The following PDSS2 variants were observed in gnomAD, a reference collection of about 807,000 sequenced individuals.
PDSS2 encodes the protein decaprenyl diphosphate synthase subunit 2.
In PDSS2, 31 loss-of-function variants were observed where a neutral mutation model predicts 44.5. The observed-to-expected ratio is 0.70, with a 90% confidence interval of 0.52 to 0.94. The LOEUF (loss-of-function observed/expected upper bound fraction) is 0.94, where lower values mean the gene tolerates loss of function less well. Ranked by LOEUF, PDSS2 falls within the 40% of genes least tolerant of loss-of-function variation. The probability of loss-of-function intolerance (pLI) is 0.00; values close to 1 mark genes in which losing one functional copy is unlikely to be tolerated. For missense variants in PDSS2, 452 were observed against 482.2 expected (o/e 0.94, Z 0.59); for synonymous variants, 157 against 180.3 (o/e 0.87, Z 1.03).
chr6:107,441,932 C>G (rs1213846320), intron 1 of PDSS2, among the ~76,000 whole-genome samples: 2 of 152,046 alleles, frequency 1.3e-5, no homozygotes, highest in African/African-American at 4.8e-5. Flanking sequence ...CCAAACAGAC[C>G]CCCTCTCACA....
intron 2 of PDSS2, among the ~76,000 whole-genome samples, chr6:107,307,418 G>T (rs890716513): frequency 1.3e-5 from 2 of 152,056 alleles, no homozygotes; most frequent in Non-Finnish European, 2.9e-5. Flanking sequence ...CAAACTACTT[G>T]ATTGAAACTA....
intron 7 of PDSS2, among the ~76,000 whole-genome samples, chr6:107,172,589 G>T (rs1771618070): frequency 6.6e-6 from 1 of 152,064 alleles, no homozygotes; most frequent in Non-Finnish European, 1.5e-5. Flanking sequence ...TTTTAAAAAA[G>T]AGGACAAAGG....
intron 6 of PDSS2, among the ~76,000 whole-genome samples, chr6:107,209,627 T>C (rs1374109043): frequency 6.6e-5 from 10 of 151,258 alleles, no homozygotes; most frequent in Admixed American, 6.0e-4. Context: ...TTTCACTATG[T>C]TGTTGGTCTT....
At chr6:107,222,681 C>T (rs1027083587) in intron 4 of PDSS2, among the ~76,000 whole-genome samples, 2 of 149,834 alleles carry the variant, frequency 1.3e-5, no homozygotes, top group Non-Finnish European at 3.0e-5. Context: ...GGTAAGATTT[C>T]AAGAATGTAT....
intron 3 of PDSS2, among the ~76,000 whole-genome samples, chr6:107,264,897 A>C (rs1775362632): frequency 6.6e-6 from 1 of 152,184 alleles, no homozygotes; most frequent in Admixed American, 6.6e-5. Context: ...GGAATCAGGA[A>C]ATTTATGATT....
intron 4 of PDSS2, among the ~76,000 whole-genome samples, chr6:107,213,736 G>A (rs563435847): frequency 8.5e-5 from 13 of 152,212 alleles, no homozygotes; most frequent in African/African-American, 2.6e-4. Context: ...CAGCCTGGGC[G>A]AAAGAGCAAG....
chr6:107,202,257 T>G (rs1037339056), intron 6 of PDSS2, among the ~76,000 whole-genome samples: 1 of 152,148 alleles, frequency 6.6e-6, no homozygotes, highest in African/African-American at 2.4e-5. Flanking sequence ...CTAGCTGGTC[T>G]TGAACTCCTG....
chr6:107,312,962 G>A (rs1777088610), intron 2 of PDSS2, among the ~76,000 whole-genome samples: 1 of 152,318 alleles, frequency 6.6e-6, no homozygotes, highest in South Asian at 2.1e-4. Flanking sequence ...AATAGGATCA[G>A]AATTGAAAGC....
At chr6:107,349,646 G>A (rs568791681) in intron 1 of PDSS2, among the ~76,000 whole-genome samples, 4 of 152,108 alleles carry the variant, frequency 2.6e-5, no homozygotes, top group Non-Finnish European at 4.4e-5. Flanking sequence ...CTACTAGGGA[G>A]GCTGAGGCAG....
rs145698875 is a variant in PDSS2, at chr6:107,294,976, C to T, written c.432-20749G>A. On this transcript the variant is annotated intron_variant, in intron 2 of 7. Transcript: ENST00000369037. ...ATGGAGTCTCGCTTGGTCACCCAGG[C>T]TGGAGTGAAGTGGCGTGATCTTGGC... 5.4e-3 allele frequency among the ~76,000 whole-genome samples: 825 copies of T among 152,250 alleles called. 27 individuals are homozygous for T. Among genetic ancestry groups the T allele is most frequent in the Admixed American group, 0.038 (584 of 15,284 alleles).
At position 107,154,709 on chromosome 6, in the gene PDSS2, G is replaced by T; in HGVS notation, c.1110C>A (p.Asn370Lys). The T allele has an allele frequency of 6.2e-7, 1 of 1,614,122 alleles. No homozygotes were observed. The highest frequency in any genetic ancestry group is 1.1e-5 in the South Asian group (1 of 91,084). Residue 370 changes from asparagine (N) to lysine (K), a missense_variant, in exon 8 of 8, where the codon AAC becomes AAA. Physicochemically the swap from Asn to Lys is moderately conservative, Grantham distance 94 (BLOSUM62 0). Coordinates refer to ENST00000369037, the MANE Select transcript of PDSS2 (RefSeq NM_020381.4). ...AGCTCTCCAGGGCCTCCAGTGCCTTGTTTCCATGGTAACGACACAGGTCAA... is the reference window on the plus strand; with the variant it reads ...AGCTCTCCAGGGCCTCCAGTGCCTTTTTTCCATGGTAACGACACAGGTCAA... ...SAIDLCRYHG[N>K]KALEALESFP...
intron 4 of PDSS2, among the ~76,000 whole-genome samples, chr6:107,233,921 A>G (rs1774140091): frequency 6.6e-6 from 1 of 151,830 alleles, no homozygotes; most frequent in African/African-American, 2.4e-5. Flanking sequence ...AGTCCCAGCT[A>G]CTTGGGAGGC....
At chr6:107,210,831 C>T (rs1203719941) in intron 5 of PDSS2, among the ~76,000 whole-genome samples, 1 of 146,350 alleles carries the variant, frequency 6.8e-6, no homozygotes, top group African/African-American at 2.6e-5. Flanking sequence ...TGGCGAAACC[C>T]CATCTCTACT....
intron 7 of PDSS2, among the ~76,000 whole-genome samples, chr6:107,190,363 C>T (rs1026775206): frequency 6.6e-6 from 1 of 152,136 alleles, no homozygotes; most frequent in Non-Finnish European, 1.5e-5. Context: ...CAACTTACTG[C>T]GTGTGTTTTC....
intron 7 of PDSS2, among the ~76,000 whole-genome samples, chr6:107,155,437 G>A (rs1490403260): frequency 7.3e-5 from 11 of 151,000 alleles, no homozygotes; most frequent in South Asian, 2.1e-4. Context: ...GTGAGCCACC[G>A]CACCTGGCCA....
At chr6:107,320,189 T>C (rs1777338737) in intron 2 of PDSS2, among the ~76,000 whole-genome samples, 1 of 152,204 alleles carries the variant, frequency 6.6e-6, no homozygotes, top group South Asian at 2.1e-4. Context: ...TGATTAACTA[T>C]AGCTTTGGAA....
chr6:107,207,741 C>G (rs1773033589), intron 6 of PDSS2, among the ~76,000 whole-genome samples: 1 of 150,950 alleles, frequency 6.6e-6, no homozygotes, highest in Admixed American at 6.6e-5. Context: ...TCCTGAGTAG[C>G]TGGGATTACA....
intron 1 of PDSS2, among the ~76,000 whole-genome samples, chr6:107,356,916 T>G (rs1778612035): frequency 6.6e-6 from 1 of 152,222 alleles, no homozygotes; most frequent in East Asian, 1.9e-4. Flanking sequence ...TTTGGCTATT[T>G]GTGTGTCTGG....
chr6:107,411,728 A>G (rs1410593040), intron 1 of PDSS2, among the ~76,000 whole-genome samples: 1 of 152,176 alleles, frequency 6.6e-6, no homozygotes, highest in African/African-American at 2.4e-5. Context: ...GATAATTTCA[A>G]GTACACAGGA....
Sources: gnomAD v4.1 joint callset for allele counts (sites outside exome capture counted in the v4.1 genomes callset) on GRCh38, gnomAD v4.1.1 for gene constraint, MANE v1.5 for transcripts, NCBI Gene and HGNC (gene_info 2026-07-23, HGNC 2026-07-21) for gene names.